The following OSBPL6 variants were observed in gnomAD, a reference collection of about 807,000 sequenced individuals.
OSBPL6 encodes the protein oxysterol-binding protein-related protein 6.
OSBPL6 carries 49 observed loss-of-function variants against 125.8 expected under a neutral mutation model. The ratio of observed to expected loss-of-function variants is 0.39; its 90% CI spans 0.31 to 0.49. The LOEUF (loss-of-function observed/expected upper bound fraction) is 0.49. OSBPL6 is among the 20% of genes least tolerant of loss of function. The pLI, the probability that OSBPL6 is intolerant of heterozygous loss-of-function variation, is 0.88. For synonymous variants in OSBPL6, 394 were observed against 391.8 expected (o/e 1.01, Z -0.07); for missense variants, 986 against 1,135.4 (o/e 0.87, Z 1.89).
intron 16 of OSBPL6, chr2:178,382,711 A>T: frequency 6.9e-7 from 1 of 1,449,636 alleles, no homozygotes; most frequent in Non-Finnish European, 9.1e-7. Flanking sequence ...AGTTAAGAGA[A>T]AACGTTTTTC....
intron 1 of OSBPL6, among the ~76,000 whole-genome samples, chr2:178,237,969 G>A (rs1298399780): frequency 6.6e-6 from 1 of 152,134 alleles, no homozygotes; most frequent in Non-Finnish European, 1.5e-5. Context: ...CTCATTACTG[G>A]AAAATGCTCT....
chr2:178,361,244 G>T (rs2154098351), intron 12 of OSBPL6, among the ~76,000 whole-genome samples: 1 of 152,172 alleles, frequency 6.6e-6, no homozygotes, highest in African/African-American at 2.4e-5. Context: ...GCTCTTTTTG[G>T]GTGCATGCTT....
Position 178,382,482 on chromosome 2 carries a change from T to A in OSBPL6, c.1596T>A (p.Ser532Arg). The A allele has an allele frequency of 1.9e-6, 3 of 1,614,126 alleles. No homozygotes were observed. The highest frequency in any genetic ancestry group is 2.5e-6 in the Non-Finnish European group (3 of 1,180,018). Residue 532 changes from serine (S) to arginine (R), a missense_variant, in exon 16 of 25, where the codon AGT (serine) becomes AGA (arginine). This residue lies in a region of OSBPL6 where 843 missense variants were observed against 997.3 expected (regional missense o/e 0.85). Coordinates refer to ENST00000190611, the MANE Select transcript of OSBPL6 (RefSeq NM_032523.4). ...ATAATATATCTGAAGACAACACCAG[T>A]GTTGCAGACAATATTTCTCGGCAAA... ...VSDNISEDNT[S>R]VADNISRQIL... is the part of the protein sequence containing the mutation.
chr2:178,361,271 G>T (rs1005419114), intron 12 of OSBPL6, among the ~76,000 whole-genome samples: 9 of 152,126 alleles, frequency 5.9e-5, no homozygotes, highest in African/African-American at 2.2e-4. Context: ...AATATTTTTG[G>T]ATAGTTCTAA....
rs1462835930 is a variant in OSBPL6, at chr2:178,287,167, A to AAC, written c.-156+2047_-156+2048insCA. 1.8e-3 allele frequency among the ~76,000 whole-genome samples: 263 copies of AAC among 147,646 alleles called. 1 individual carries two copies. Among genetic ancestry groups the AAC allele is most frequent in the Non-Finnish European group, 2.7e-3 (181 of 66,898 alleles). The stretch of plus-strand genomic sequence containing the variant: ...CTTTTTTTAAAAAAAAAAAAAAAAA[A>AAC]AACAAATTATTTTACTTAAAAAATA... On this transcript the variant is annotated intron_variant, in intron 2 of 24. Transcript: ENST00000190611.
At chr2:178,256,973 A>G (rs1315485032) in intron 1 of OSBPL6, among the ~76,000 whole-genome samples, 1 of 152,152 alleles carries the variant, frequency 6.6e-6, no homozygotes, top group African/African-American at 2.4e-5. Context: ...AGCCTAACAG[A>G]CAAATTTAAA....
At chr2:178,322,632 A>G (rs1021977066) in intron 3 of OSBPL6, among the ~76,000 whole-genome samples, 8 of 152,078 alleles carry the variant, frequency 5.3e-5, no homozygotes, top group Admixed American at 4.6e-4. Context: ...GTACTTTATT[A>G]TATTTATTTG....
intron 1 of OSBPL6, among the ~76,000 whole-genome samples, chr2:178,206,103 G>A (rs1458279035): frequency 6.6e-6 from 1 of 152,166 alleles, no homozygotes; most frequent in Admixed American, 6.5e-5. Context: ...GTATTACACA[G>A]CCACATGCTT....
chr2:178,327,010 G>A (rs2154074677), intron 4 of OSBPL6, among the ~76,000 whole-genome samples: 1 of 151,696 alleles, frequency 6.6e-6, no homozygotes, highest in Non-Finnish European at 1.5e-5. Context: ...GGGCTCTGGG[G>A]AAAGGGTGGG....
chr2:178,360,877 T>A (rs1232134270), intron 12 of OSBPL6, among the ~76,000 whole-genome samples: 2 of 152,340 alleles, frequency 1.3e-5, no homozygotes, highest in South Asian at 4.1e-4. Flanking sequence ...ATGCTAAAAA[T>A]TTCCACTTTT....
intron 4 of OSBPL6, among the ~76,000 whole-genome samples, chr2:178,326,912 C>A (rs1181080120): frequency 3.9e-5 from 6 of 151,912 alleles, no homozygotes; most frequent in East Asian, 1.9e-4. Flanking sequence ...TTTTCCCCCC[C>A]TTCTGGAGTT....
chr2:178,359,691 G>A (rs1692144865), intron 12 of OSBPL6, among the ~76,000 whole-genome samples: 1 of 152,178 alleles, frequency 6.6e-6, no homozygotes, highest in South Asian at 2.1e-4. Context: ...AGAAACTGTG[G>A]TATACACATA....
rs574787771 is a variant in OSBPL6, at chr2:178,318,227, G to A, written c.103-5950G>A. Among the ~76,000 whole-genome samples the A allele has an allele frequency of 3.3e-5, 5 of 152,216 alleles. No homozygotes were observed. In the South Asian group the frequency reaches 1.0e-3, roughly 32 times the overall value. ...CCACATGGTATTTCTTACAATACAGGGTGTCTTAAAACAGGCCAGTTCAAT... is the reference window on the plus strand; with the variant it reads ...CCACATGGTATTTCTTACAATACAGAGTGTCTTAAAACAGGCCAGTTCAAT... On this transcript the variant is annotated intron_variant, in intron 3 of 24. Transcript: ENST00000190611.
intron 1 of OSBPL6, among the ~76,000 whole-genome samples, chr2:178,221,910 T>A (rs2090356237): frequency 2.6e-5 from 4 of 152,174 alleles, no homozygotes; most frequent in Admixed American, 2.6e-4. Context: ...CTTTATATTG[T>A]TCCCACTGGA....
intron 19 of OSBPL6, among the ~76,000 whole-genome samples, chr2:178,386,736 C>T (rs1002370627): frequency 6.6e-6 from 1 of 152,072 alleles, no homozygotes; most frequent in Admixed American, 6.6e-5. Context: ...CACACACACA[C>T]ACACACACAC....
chr2:178,378,113 G>A (rs1300523980), intron 15 of OSBPL6, among the ~76,000 whole-genome samples: 1 of 152,148 alleles, frequency 6.6e-6, no homozygotes, highest in Non-Finnish European at 1.5e-5. Flanking sequence ...ACAGGCATGA[G>A]CCACTGCGCC....
chr2:178,383,037 G>T lies in OSBPL6; in HGVS notation c.1635G>T (p.Glu545Asp). ...TCCTTCTTCCAGTCCTGAATGGGGA[G>T]CTTACAGGAGGGGCCTTCCGAAATG... ...DNISRQILNG[E>D]LTGGAFRNGR... The change falls in exon 17 of 25, where the codon GAG (glutamate) becomes GAT (aspartate). Residue 545 changes from glutamate (E) to aspartate (D), a missense_variant. Physicochemically the swap from Glu to Asp is conservative, Grantham distance 45 (BLOSUM62 2). Coordinates refer to ENST00000190611, the MANE Select transcript of OSBPL6 (RefSeq NM_032523.4). 1 of 1,614,180 alleles carries T rather than the reference G, an allele frequency of 6.2e-7. No individual in the cohort carries two copies. The highest frequency in any genetic ancestry group is 8.5e-7 in the Non-Finnish European group (1 of 1,180,016).
chr2:178,290,245 GGCAGGGT>G, intron 2 of OSBPL6, among the ~76,000 whole-genome samples: 1 of 152,092 alleles, frequency 6.6e-6, no homozygotes. Context: ...ATATAGGAAG[GGCAGGGT>G]GATTGCTTAA....
intron 1 of OSBPL6, among the ~76,000 whole-genome samples, chr2:178,228,989 C>T (rs2090696776): frequency 6.6e-6 from 1 of 152,184 alleles, no homozygotes; most frequent in East Asian, 1.9e-4. Flanking sequence ...ATTTAGTTTA[C>T]AGCTCTGAAC....
Sources: allele counts gnomAD v4.1 joint callset (sites outside exome capture counted in the v4.1 genomes callset), GRCh38; gene constraint gnomAD v4.1.1; regional missense constraint gnomAD v4.1.1; transcripts MANE v1.5; gene names NCBI Gene and HGNC (gene_info 2026-07-23, HGNC 2026-07-21).